Variants in VAT1L observed in about 807,000 individuals in gnomAD.
VAT1L encodes vesicle amine transport 1 like, also known as putative NADPH-dependent quinone oxidoreductase VAT1L.
In VAT1L, 34 loss-of-function variants were observed where a neutral mutation model predicts 44.1. That is an observed-to-expected ratio of 0.77 (90% CI 0.59 to 1.03). The LOEUF (loss-of-function observed/expected upper bound fraction) is 1.03. VAT1L is among the 50% of genes least tolerant of loss of function. The pLI is 0.00. For synonymous variants in VAT1L, 253 were observed against 202.2 expected, an observed-to-expected ratio of 1.25 and a Z score of -2.13; for missense variants, 615 against 538.8, an observed-to-expected ratio of 1.14 and a Z score of -1.40.
intron 7 of VAT1L, among the ~76,000 whole-genome samples, chr16:77,947,000 C>T (rs2017976824): frequency 1.3e-5 from 2 of 152,142 alleles, no homozygotes; most frequent in Admixed American, 6.5e-5. Flanking sequence ...GTTTTTATCT[C>T]GTTACCATGG....
At chr16:77,950,236 C>G (rs747309004) in intron 7 of VAT1L, among the ~76,000 whole-genome samples, 2 of 152,072 alleles carry the variant, frequency 1.3e-5, no homozygotes, top group Admixed American at 6.6e-5. Flanking sequence ...TGGGGAAACC[C>G]CATCTCTACT....
chr16:77,896,496 G>C (rs1253950043), intron 7 of VAT1L, among the ~76,000 whole-genome samples: 4 of 151,912 alleles, frequency 2.6e-5, no homozygotes, highest in Non-Finnish European at 5.9e-5. Flanking sequence ...CTTAATGACT[G>C]ACAGAGAGTA....
intron 7 of VAT1L, among the ~76,000 whole-genome samples, chr16:77,968,569 C>A (rs1038739783): frequency 1.1e-4 from 16 of 151,928 alleles, no homozygotes; most frequent in African/African-American, 3.9e-4. Context: ...GCTAAAAATA[C>A]AAAAAATTAG....
chr16:77,962,650 A>G (rs899039378), intron 7 of VAT1L, among the ~76,000 whole-genome samples: 4 of 151,982 alleles, frequency 2.6e-5, no homozygotes, highest in Non-Finnish European at 4.4e-5. Flanking sequence ...CAGGAGGCCA[A>G]GGCAGGAGGA....
chr16:77,900,497 C>A (rs956732271), intron 7 of VAT1L, among the ~76,000 whole-genome samples: 9 of 151,904 alleles, frequency 5.9e-5, no homozygotes, highest in African/African-American at 2.2e-4. Context: ...CAGTTTGAGA[C>A]CAGCCTGGGC....
At chr16:77,962,776 G>GAAGGAAGGAAGGAAGGAAGA (rs2018177418) in intron 7 of VAT1L, among the ~76,000 whole-genome samples, 1 of 151,180 alleles carries the variant, frequency 6.6e-6, no homozygotes, top group Non-Finnish European at 1.5e-5. Context: ...AGGAAGGAAG[G>GAAGGAAGGAAGGAAGGAAGA]AAAGAAAGAG....
At chr16:77,945,702 C>G (rs2017952710) in intron 7 of VAT1L, among the ~76,000 whole-genome samples, 1 of 152,124 alleles carries the variant, frequency 6.6e-6, no homozygotes, top group Non-Finnish European at 1.5e-5. Context: ...CCATTACCAA[C>G]AGTAACCCTT....
chr16:77,816,379 G>C (rs75960536), intron 1 of VAT1L, among the ~76,000 whole-genome samples: 2 of 152,098 alleles, frequency 1.3e-5, no homozygotes, highest in African/African-American at 2.4e-5. Flanking sequence ...CACCATTGTG[G>C]GAGCTGTTTA....
Position 77,917,067 on chromosome 16 carries a change from TGA to T in VAT1L, c.1077+32267_1077+32268del, listed in dbSNP as rs147634291. 7.6e-3 allele frequency among the ~76,000 whole-genome samples: 1,157 copies of T among 152,334 alleles called. 10 individuals are homozygous for T. The highest frequency in any genetic ancestry group is 0.026 in the African/African-American group (1,098 of 41,576). ...GAAGGATTTAGATAAGAGATATTGT[TGA>T]GTTAATTTGTCCCTTGGCCTAATGG... is the stretch of plus-strand genomic sequence containing the variant. On this transcript the variant is annotated intron_variant, in intron 7 of 8. Coordinates refer to ENST00000302536, the MANE Select transcript of VAT1L (RefSeq NM_020927.3).
chr16:77,941,781 G>A (rs1222176133), intron 7 of VAT1L, among the ~76,000 whole-genome samples: 1 of 151,972 alleles, frequency 6.6e-6, no homozygotes, highest in East Asian at 1.9e-4. Context: ...TAGAAACAGG[G>A]TTTCACCGTG....
intron 4 of VAT1L, among the ~76,000 whole-genome samples, chr16:77,876,110 G>A (rs1183460254): frequency 1.3e-5 from 2 of 152,168 alleles, no homozygotes; most frequent in Non-Finnish European, 2.9e-5. Context: ...CTGACCCCAA[G>A]TTCATTCCTC....
In VAT1L at chr16:77,959,058, G is replaced by T. The variant is rs371004362; in HGVS notation, c.1078-12792G>T. Among the ~76,000 whole-genome samples the T allele has an allele frequency of 8.5e-5, 13 of 152,294 alleles. No individual in the cohort carries two copies. The East Asian group carries it at 1.9e-3, about 23-fold the overall frequency. ...AATGTAAGGCAGCGCTCACTTTCAG[G>T]TGCTGATCCTGCACTTGTGTGACTC... is the stretch of plus-strand genomic sequence containing the variant. On this transcript the variant is annotated intron_variant, in intron 7 of 8. Coordinates refer to ENST00000302536, the MANE Select transcript of VAT1L (RefSeq NM_020927.3).
At chr16:77,960,856 G>T (rs446695) in intron 7 of VAT1L, among the ~76,000 whole-genome samples, 1 of 151,540 alleles carries the variant, frequency 6.6e-6, no homozygotes, top group Non-Finnish European at 1.5e-5. Flanking sequence ...AGAAATGACC[G>T]TGACTACTGC....
intron 7 of VAT1L, among the ~76,000 whole-genome samples, chr16:77,969,106 A>G (rs1331081264): frequency 1.3e-5 from 2 of 152,214 alleles, no homozygotes; most frequent in Non-Finnish European, 2.9e-5. Context: ...AGCGTGAGCC[A>G]CTATGCCTGG....
At chr16:77,813,065 C>T (rs1264361342) in intron 1 of VAT1L, among the ~76,000 whole-genome samples, 2 of 151,970 alleles carry the variant, frequency 1.3e-5, no homozygotes, top group African/African-American at 4.8e-5. Flanking sequence ...TCATTGCCAC[C>T]CCCAAAAACA....
intron 5 of VAT1L, among the ~76,000 whole-genome samples, chr16:77,878,435 C>G (rs1348524252): frequency 6.6e-6 from 1 of 152,054 alleles, no homozygotes; most frequent in Non-Finnish European, 1.5e-5. Flanking sequence ...TGAATGTTCC[C>G]CATACTGTTA....
chr16:77,926,585 A>G (rs545785458), intron 7 of VAT1L, among the ~76,000 whole-genome samples: 14 of 152,264 alleles, frequency 9.2e-5, no homozygotes, highest in Admixed American at 9.2e-4. Context: ...TCCATCTCAA[A>G]AAAAGTAGAA....
intron 4 of VAT1L, among the ~76,000 whole-genome samples, chr16:77,867,466 A>G (rs1477548358): frequency 6.6e-6 from 1 of 152,074 alleles, no homozygotes; most frequent in Non-Finnish European, 1.5e-5. Context: ...TTGTTCATTC[A>G]TTCATTCATT....
In VAT1L at chr16:77,951,415, G is replaced by A. The variant is rs376208981; in HGVS notation, c.1078-20435G>A. Among the ~76,000 whole-genome samples the A allele has an allele frequency of 4.9e-3, 747 of 152,166 alleles. 3 individuals carry two copies. The highest frequency in any genetic ancestry group is 0.017 in the Middle Eastern group (5 of 292). On this transcript the variant is annotated intron_variant, in intron 7 of 8. Coordinates refer to ENST00000302536, the MANE Select transcript of VAT1L (RefSeq NM_020927.3). ...ACAAAAAGTAGCCAGGTGTGGTGGCGGGAGCCTGTAATCCCAGCTACTCGG... is the reference window on the plus strand; with the variant it reads ...ACAAAAAGTAGCCAGGTGTGGTGGCAGGAGCCTGTAATCCCAGCTACTCGG...
Sources: allele counts gnomAD v4.1 joint callset (sites outside exome capture counted in the v4.1 genomes callset), GRCh38; gene constraint gnomAD v4.1.1; transcripts MANE v1.5; gene names NCBI Gene and HGNC (gene_info 2026-07-23, HGNC 2026-07-21).